CD2AP: variants seen among roughly 807,000 people sequenced by gnomAD.
CD2AP encodes CD2 associated protein, also known as CD2-associated protein.
CD2AP carries 46 observed loss-of-function variants against 85.1 expected under a neutral mutation model. That is an observed-to-expected ratio of 0.54 (90% CI 0.43 to 0.69). The LOEUF (loss-of-function observed/expected upper bound fraction) is 0.69. CD2AP is among the 30% of genes least tolerant of loss of function. CD2AP has a pLI of 0.00. For synonymous variants in CD2AP, 255 were observed against 252.9 expected, an observed-to-expected ratio of 1.01 and a Z score of -0.08; for missense variants, 769 against 729.5, an observed-to-expected ratio of 1.05 and a Z score of -0.62.
At chr6:47,516,567 A>G (rs1766458723) in intron 2 of CD2AP, among the ~76,000 whole-genome samples, 1 of 152,186 alleles carries the variant, frequency 6.6e-6, no homozygotes, top group African/African-American at 2.4e-5. Flanking sequence ...TGTGCAATGG[A>G]TGCTTTGTTT....
chr6:47,513,894 G>GC (rs934319202), intron 2 of CD2AP, among the ~76,000 whole-genome samples: 4 of 145,732 alleles, frequency 2.7e-5, no homozygotes, highest in Admixed American at 6.8e-5. Context: ...TTTTTTTTTG[G>GC]GGGGGGGGCT....
intron 6 of CD2AP, among the ~76,000 whole-genome samples, chr6:47,575,026 C>T (rs567006508): frequency 2.0e-5 from 3 of 152,258 alleles, no homozygotes; most frequent in Admixed American, 2.0e-4. Context: ...ATTAAGTTTC[C>T]TCCTAAGATA....
chr6:47,512,214 C>T (rs1766336705), intron 2 of CD2AP, among the ~76,000 whole-genome samples: 1 of 151,510 alleles, frequency 6.6e-6, no homozygotes, highest in East Asian at 1.9e-4. Context: ...TGGTGACATG[C>T]GCCTGTAGTC....
At chr6:47,494,835 G>A (rs2105005) in intron 1 of CD2AP, among the ~76,000 whole-genome samples, 11,703 of 152,222 alleles carry the variant, frequency 0.077, 466 homozygotes, top group South Asian at 0.13. Context: ...CTGAGTCTTA[G>A]CCCTTCATAC....
intron 1 of CD2AP, among the ~76,000 whole-genome samples, chr6:47,485,151 T>C (rs953420216): frequency 2.0e-5 from 3 of 152,228 alleles, no homozygotes; most frequent in African/African-American, 7.2e-5. Context: ...TGTTTTTTAA[T>C]TGTTATTTTA....
chr6:47,622,313 C>T (rs1343971228), intron 17 of CD2AP, among the ~76,000 whole-genome samples: 1 of 152,176 alleles, frequency 6.6e-6, no homozygotes, highest in Non-Finnish European at 1.5e-5. Flanking sequence ...CCTGTGGAGT[C>T]TGCAAACCAG....
At chr6:47,550,999 A>G (rs1456574461) in intron 4 of CD2AP, among the ~76,000 whole-genome samples, 3 of 152,210 alleles carry the variant, frequency 2.0e-5, no homozygotes, top group African/African-American at 7.2e-5. Context: ...GCAAAGGCAT[A>G]AGAATGACAC....
At chr6:47,511,606 T>C (rs1196445013) in intron 2 of CD2AP, among the ~76,000 whole-genome samples, 1 of 152,224 alleles carries the variant, frequency 6.6e-6, no homozygotes, top group East Asian at 1.9e-4. Context: ...GGGAACTTTC[T>C]ACTTCCTTTG....
chr6:47,558,262 T>C (rs1448705927), intron 5 of CD2AP, among the ~76,000 whole-genome samples: 1 of 152,222 alleles, frequency 6.6e-6, no homozygotes, highest in Non-Finnish European at 1.5e-5. Context: ...TACAATCATG[T>C]CATCTGCAAA....
intron 11 of CD2AP, among the ~76,000 whole-genome samples, chr6:47,594,835 T>G (rs1044259146): frequency 2.0e-5 from 3 of 152,052 alleles, no homozygotes; most frequent in Non-Finnish European, 4.4e-5. Context: ...CATTGTGAAA[T>G]AAGACTTGTA....
intron 11 of CD2AP, among the ~76,000 whole-genome samples, chr6:47,595,083 A>T (rs1395537009): frequency 6.6e-6 from 1 of 152,054 alleles, no homozygotes; most frequent in Non-Finnish European, 1.5e-5. Context: ...TCATGTATGC[A>T]TGTGTCAATT....
intron 6 of CD2AP, 114 bp downstream of exon 6, chr6:47,574,365 A>G: frequency 2.0e-6 from 2 of 988,122 alleles, no homozygotes. Context: ...GATCACTAAT[A>G]ATTTGGTTAT....
chr6:47,608,002 A>T lies in CD2AP; in HGVS notation c.1606A>T (p.Lys536Ter). 6.2e-7 allele frequency: 1 copy of T among 1,612,652 alleles called. No individual in the cohort carries two copies. ...TGCCAACCTGAAGCCATCTGAATTA[A>T]AAAAAGATACATGCTACTCTCCAAA... Reference protein sequence around the residue: ...DSANLKPSELKKDTCYSPKPS... With the variant: ...DSANLKPSEL The change falls in exon 15 of 18, where the codon AAA becomes TAA. Residue 536 changes from lysine to a stop codon, truncating the protein, a stop_gained. Transcript: ENST00000359314. LOFTEE classifies it high-confidence loss of function.
intron 2 of CD2AP, among the ~76,000 whole-genome samples, chr6:47,524,574 G>A (rs914625264): frequency 1.3e-5 from 2 of 151,486 alleles, no homozygotes; most frequent in East Asian, 1.9e-4. Flanking sequence ...ATTGTGGTAT[G>A]TCTGAAAGAA....
chr6:47,598,885 T>C (rs1769026056), intron 12 of CD2AP, among the ~76,000 whole-genome samples: 1 of 150,146 alleles, frequency 6.7e-6, no homozygotes, highest in African/African-American at 2.4e-5. Context: ...GCCACCTGTT[T>C]CTCAAAAACC....
chr6:47,595,858 T>A lies in CD2AP; in HGVS notation c.1109-3T>A, dbSNP rs770175851. ...ATAACTTGTGAAATATTTTAAATCT[T>A]AGATGAAAAATCAACACTGGAACAG... On this transcript the variant is annotated splice_polypyrimidine_tract_variant and splice_region_variant and intron_variant, in intron 11 of 17. Transcript: ENST00000359314. 1.2e-6 allele frequency: 2 copies of A among 1,609,954 alleles called. No homozygotes were observed. Among genetic ancestry groups the A allele is most frequent in the Admixed American group, 1.7e-5 (1 of 59,834 alleles).
Position 47,544,724 on chromosome 6 carries a change from T to A in CD2AP, c.420+18T>A. 1 of 1,413,446 alleles carries A rather than the reference T, an allele frequency of 7.1e-7. No homozygotes were observed. The highest frequency in any genetic ancestry group is 1.0e-6 in the Non-Finnish European group (1 of 997,404). The allele number at this position is 1,413,446 out of a possible 1,614,324, so 87.6% of individuals were successfully genotyped here. A position where few individuals can be genotyped will look rare whatever the true frequency, so the allele number is the denominator to read the frequency against. On this transcript the variant is annotated intron_variant, in intron 4 of 17. Transcript: ENST00000359314. ...ATGAAGAGGTAAGGAAAAAATGTGT[T>A]ACAGGTAAAACAGTAATGGTAATTG...
At chr6:47,593,361 G>T (rs1478280400) in intron 11 of CD2AP, among the ~76,000 whole-genome samples, 1 of 152,058 alleles carries the variant, frequency 6.6e-6, no homozygotes, top group Admixed American at 6.6e-5. Flanking sequence ...ATATGTAAAG[G>T]ACTGTTACAA....
At chr6:47,591,615 C>T (rs1451847817) in intron 11 of CD2AP, among the ~76,000 whole-genome samples, 1 of 152,058 alleles carries the variant, frequency 6.6e-6, no homozygotes, top group Non-Finnish European at 1.5e-5. Context: ...CCCATATTAT[C>T]ACTTATTTTT....
Sources: allele counts gnomAD v4.1 joint callset (sites outside exome capture counted in the v4.1 genomes callset), GRCh38; gene constraint gnomAD v4.1.1; transcripts MANE v1.5; gene names NCBI Gene and HGNC (gene_info 2026-07-23, HGNC 2026-07-21).